Variants in USP40 observed in about 807,000 individuals in gnomAD.
USP40 encodes the protein ubiquitin specific peptidase 40, also known as ubiquitin carboxyl-terminal hydrolase 40.
USP40 carries 143 observed loss-of-function variants against 166.2 expected under a neutral mutation model. The observed-to-expected ratio is 0.86, with a 90% CI of 0.75 to 0.99. The LOEUF (loss-of-function observed/expected upper bound fraction) is 0.99, where lower values mean the gene tolerates loss of function less well. Among genes scored for constraint, USP40 ranks in the 50% least tolerant of loss-of-function variants. The probability of loss-of-function intolerance (pLI) is 0.00; values close to 1 mark genes in which losing one functional copy is unlikely to be tolerated. For synonymous variants in USP40, 498 were observed against 524.0 expected, an observed-to-expected ratio of 0.95 and a Z score of 0.68; for missense variants, 1,444 against 1,479.7, an observed-to-expected ratio of 0.98 and a Z score of 0.40.
intron 24 of USP40, among the ~76,000 whole-genome samples, chr2:233,496,157 A>G (rs1484805107): frequency 6.6e-6 from 1 of 152,196 alleles, no homozygotes; most frequent in African/African-American, 2.4e-5. Context: ...ATAAGCAAAC[A>G]GTTATCTGAG....
rs1193163422 is a variant in USP40 at position 233,493,522 on chromosome 2, G to A, written c.2820C>T (p.Tyr940=). The change falls in exon 25 of 32, where the codon TAC becomes TAT. Residue 940 remains tyrosine, a synonymous_variant. Transcript: ENST00000678225. This position sits in a 1 kb window ranked among gnomAD's most constrained non-coding sequence, Gnocchi z 4.7. Reference sequence around the variant, plus strand: ...AGTGTCCTGAGGGACCCTGAAGCTGGTACCACCAGATGGGCACCTTCAGGA... The same window carrying A: ...AGTGTCCTGAGGGACCCTGAAGCTGATACCACCAGATGGGCACCTTCAGGA... The part of the protein sequence containing the change: ...LGFLKVPIWW[Y]QLQGPSGHWE... 1 of 1,613,476 alleles carries A rather than the reference G, an allele frequency of 6.2e-7. No individual in the cohort carries two copies. Among genetic ancestry groups the A allele is most frequent in the Non-Finnish European group, 8.5e-7 (1 of 1,179,702 alleles).
chr2:233,479,497 A>T (rs1307100671), intron 31 of USP40, among the ~76,000 whole-genome samples: 2 of 151,090 alleles, frequency 1.3e-5, no homozygotes, highest in Non-Finnish European at 2.9e-5. Context: ...CGGGAGGCGG[A>T]GGTTGAAGTG....
intron 20 of USP40, 87 bp downstream of exon 20, chr2:233,511,604 AAAACTTTTAGAGAAAAAC>A: frequency 1.3e-6 from 1 of 788,038 alleles, no homozygotes; most frequent in Non-Finnish European, 2.0e-6. Flanking sequence ...GATTTAAGAA[AAAACTTTTAGAGAAAAAC>A]AATATTACTG....
In USP40 at chr2:233,523,163, G is replaced by T; in HGVS notation, c.2201+7C>A. On this transcript the variant is annotated splice_region_variant and intron_variant, in intron 16 of 31. Transcript: ENST00000678225. The stretch of plus-strand genomic sequence containing the variant: ...TAGAAATCCTTTTTCTCTTGTTAGC[G>T]AGTTACCTGTTATCATCATGAGAAT... 1 of 1,595,866 alleles carries T rather than the reference G, an allele frequency of 6.3e-7. No homozygotes were observed.
chr2:233,510,099 G>A lies in USP40; in HGVS notation c.2563C>T (p.Pro855Ser). 1.9e-6 allele frequency: 3 copies of A among 1,604,676 alleles called. No homozygotes were observed. The highest frequency in any genetic ancestry group is 2.6e-6 in the Non-Finnish European group (3 of 1,175,196). ...LFFAMGSDVQ[P>S]GTEMEIVVEE... ...ACTACGATTTCCATTTCTGTCCCAG[G>A]TTGAACGTCACTCCCCATTGCAAAA... The change falls in exon 21 of 32, where the codon CCT (proline) becomes TCT (serine). Residue 855 changes from proline (P) to serine (S), a missense_variant. Physicochemically the swap from Pro to Ser is moderately conservative, Grantham distance 74. Transcript: ENST00000678225.
intron 1 of USP40, 125 bp from the exon 2 acceptor site, chr2:233,565,698 G>T: frequency 1.1e-6 from 1 of 870,408 alleles, no homozygotes; most frequent in Non-Finnish European, 1.7e-6. Flanking sequence ...TCTATGTACA[G>T]TAGTTGGGTT....
rs1252342761 is a variant in USP40, at chr2:233,518,252, A to C, written c.2383+1362T>G. 1.7e-4 allele frequency among the ~76,000 whole-genome samples: 7 copies of C among 40,744 alleles called. No individual in the cohort carries two copies. The East Asian group carries it at 4.3e-3, about 25-fold the overall frequency. The allele number at this position is 40,744 out of a possible 152,430, so 26.7% of individuals were successfully genotyped here. The stretch of plus-strand genomic sequence containing the variant: ...CAAAACCAAACCAGTAACAGATTCT[A>C]AAAAAAAAAAAAAAAAAAAAAAAAA... On this transcript the variant is annotated intron_variant, in intron 18 of 31. Coordinates refer to ENST00000678225, the MANE Select transcript of USP40 (RefSeq NM_001365479.2).
intron 27 of USP40, 137 bp from the exon 28 acceptor site, chr2:233,488,441 G>C: frequency 1.4e-6 from 1 of 731,754 alleles, no homozygotes; most frequent in South Asian, 1.9e-5. Context: ...CAAACTTTTG[G>C]AAAAGGGGAA....
chr2:233,564,349 C>T (rs570451849), intron 2 of USP40, among the ~76,000 whole-genome samples: 1 of 152,184 alleles, frequency 6.6e-6, no homozygotes, highest in South Asian at 2.1e-4. Context: ...AGCTACAAAG[C>T]CATGTAGTGC....
chr2:233,493,096 T>G lies in USP40; in HGVS notation c.2917+329A>C, dbSNP rs1028072511. Reference sequence around the variant, plus strand: ...GACATCATTAGAATTGGATGAAGTCTCAATATTCTGGTACGTGGTGATAAA... The same window carrying G: ...GACATCATTAGAATTGGATGAAGTCGCAATATTCTGGTACGTGGTGATAAA... On this transcript the variant is annotated intron_variant, in intron 25 of 31. Coordinates refer to ENST00000678225, the MANE Select transcript of USP40 (RefSeq NM_001365479.2). This position sits in a 1 kb window ranked among gnomAD's most constrained non-coding sequence, Gnocchi z 4.7. 2.6e-5 allele frequency: 10 copies of G among 381,352 alleles called. No individual in the cohort carries two copies. The highest frequency in any genetic ancestry group is 1.8e-4 in the African/African-American group (9 of 49,264). The allele number at this position is 381,352 out of a possible 1,614,324, so 23.6% of individuals were successfully genotyped here.
chr2:233,502,616 C>G (rs980287757), intron 21 of USP40, among the ~76,000 whole-genome samples: 1 of 152,106 alleles, frequency 6.6e-6, no homozygotes, highest in African/African-American at 2.4e-5. Context: ...GTGGCAGTAT[C>G]CCCCTCCCCA....
In USP40 at chr2:233,549,085, G is replaced by A. The variant is rs762984992; in HGVS notation, c.966+16C>T. The A allele has an allele frequency of 7.0e-6, 11 of 1,578,168 alleles. No individual in the cohort carries two copies. Among genetic ancestry groups the A allele is most frequent in the African/African-American group, 5.5e-5 (4 of 73,272 alleles). ...AGAAATTGCAAAGATATTTCTAAAC[G>A]AATTTCTATACGTACTTGAAACTGC... On this transcript the variant is annotated intron_variant, in intron 8 of 31. Coordinates refer to ENST00000678225, the MANE Select transcript of USP40 (RefSeq NM_001365479.2).
chr2:233,532,002 A>AAG (rs2068567698), intron 11 of USP40, among the ~76,000 whole-genome samples: 2 of 152,168 alleles, frequency 1.3e-5, no homozygotes, highest in Admixed American at 1.3e-4. Flanking sequence ...CCTAAGTAAC[A>AAG]CAAGGACCAG....
Position 233,488,079 on chromosome 2 carries a change from A to G in USP40, c.3197+160T>C, listed in dbSNP as rs138459405. ...AATAAGTCCCAAGTTTTAGATGCCC[A>G]GACATACAAACATATTTCTAGCACA... On this transcript the variant is annotated intron_variant, in intron 28 of 31. Transcript: ENST00000678225. The G allele has an allele frequency of 8.4e-4, 620 of 734,432 alleles. 1 individual carries two copies. In the African/African-American group the frequency reaches 9.7e-3, roughly 11 times the overall value. 45.5% of individuals were successfully genotyped at this position (734,432 alleles called of 1,614,324 possible).
intron 21 of USP40, among the ~76,000 whole-genome samples, chr2:233,506,179 C>T (rs1049927694): frequency 6.6e-6 from 1 of 152,062 alleles, no homozygotes; most frequent in Admixed American, 6.6e-5. Flanking sequence ...AATAAAGAGC[C>T]CAGAAATAAA....
intron 10 of USP40, among the ~76,000 whole-genome samples, chr2:233,535,404 A>G (rs1039458885): frequency 6.6e-6 from 1 of 152,244 alleles, no homozygotes; most frequent in Non-Finnish European, 1.5e-5. Flanking sequence ...CTTAGTACTC[A>G]CTTCACCTTT....
At position 233,529,508 on chromosome 2, in the gene USP40, T is replaced by A; in HGVS notation, c.1476A>T (p.Arg492=). 6.3e-7 allele frequency: 1 copy of A among 1,577,588 alleles called. No individual in the cohort carries two copies. Among genetic ancestry groups the A allele is most frequent in the Non-Finnish European group, 8.6e-7 (1 of 1,160,062 alleles). ...KSQLQRPPEA[R]ANPRYGVPCH... ...ATGGAACCCCATATCTTGGATTAGC[T>A]CGAGCTGTGAACAAAATTTTTCATT... Residue 492 remains arginine, a synonymous_variant, in exon 12 of 32, where the codon CGA becomes CGT. Coordinates refer to ENST00000678225, the MANE Select transcript of USP40 (RefSeq NM_001365479.2).
At position 233,523,208 on chromosome 2, in the gene USP40, TC is replaced by T. The variant is rs909525618; in HGVS notation, c.2162del (p.Gly721GlufsTer5). On this transcript the variant is annotated frameshift_variant, in exon 16 of 32. Coordinates refer to ENST00000678225, the MANE Select transcript of USP40 (RefSeq NM_001365479.2). LOFTEE classifies it high-confidence loss of function. The part of the protein sequence containing the change: ...KTFREQGLRN[G>X]SSILIQDSHD... ...GAGAATCCTGAATTAAAATTGAGCT[TC>T]CATTTCTGAGCCCTTGCTCCCTGAA... 6.2e-7 allele frequency: 1 copy of T among 1,612,568 alleles called. No homozygotes were observed. The highest frequency in any genetic ancestry group is 1.3e-5 in the African/African-American group (1 of 74,914).
intron 21 of USP40, among the ~76,000 whole-genome samples, chr2:233,500,833 GTATA>G (rs1412039644): frequency 6.6e-6 from 1 of 152,188 alleles, no homozygotes; most frequent in Non-Finnish European, 1.5e-5. Flanking sequence ...CTATATGTAT[GTATA>G]TAGACACATG....
Sources: gnomAD v4.1 joint callset for allele counts (sites outside exome capture counted in the v4.1 genomes callset) on GRCh38, gnomAD v4.1.1 for gene constraint, Gnocchi (gnomAD v3.1) non-coding constraint, MANE v1.5 for transcripts, NCBI Gene and HGNC (gene_info 2026-07-23, HGNC 2026-07-21) for gene names.